TOP3A: variants seen among roughly 807,000 people sequenced by gnomAD.
TOP3A encodes the protein DNA topoisomerase III alpha.
Under a neutral mutation model 111.3 loss-of-function variants are expected in TOP3A, and 64 were observed. The ratio of observed to expected loss-of-function variants is 0.57; its 90% CI spans 0.47 to 0.71. TOP3A has a LOEUF of 0.71. Among genes scored for constraint, TOP3A ranks in the 30% least tolerant of loss-of-function variants. The pLI, the probability that TOP3A is intolerant of heterozygous loss-of-function variation, is 0.00. For missense variants in TOP3A, 1,104 were observed against 1,285.0 expected, an observed-to-expected ratio of 0.86 and a Z score of 2.15; for synonymous variants, 484 against 485.1, an observed-to-expected ratio of 1.00 and a Z score of 0.03.
In TOP3A at chr17:18,290,640, A is replaced by G; in HGVS notation, c.1514T>C (p.Val505Ala). ...EQGSHFQPST[V>A]EMVDGETSPP... The stretch of plus-strand genomic sequence containing the variant: ...GCTGGTCTCCCCGTCCACCATCTCC[A>G]CGGTGCTGGGCTGAAAGTGGGATCC... The change falls in exon 13 of 19, where the codon GTG becomes GCG. Residue 505 changes from valine to alanine, a missense_variant. By Grantham distance (64) the Val-to-Ala change is moderately conservative. Coordinates refer to ENST00000321105, the MANE Select transcript of TOP3A (RefSeq NM_004618.5). 1 of 1,611,486 alleles carries G rather than the reference A, an allele frequency of 6.2e-7. No homozygotes were observed. The highest frequency in any genetic ancestry group is 8.5e-7 in the Non-Finnish European group (1 of 1,178,306).
Position 18,294,741 on chromosome 17 carries a change from T to C in TOP3A, c.1035A>G (p.Lys345=), listed in dbSNP as rs1253792455. 17 of 1,613,052 alleles carry C rather than the reference T, an allele frequency of 1.1e-5. No homozygotes were observed. Among genetic ancestry groups the C allele is most frequent in the Non-Finnish European group, 1.4e-5 (16 of 1,179,662 alleles). ...GCTTCTCAGCAATCCTCATGGTTTCTTTAGCATTTATTCTCAACTTTCGAG... is the reference window on the plus strand; with the variant it reads ...GCTTCTCAGCAATCCTCATGGTTTCCTTAGCATTTATTCTCAACTTTCGAG... ...LASRKLRINA[K]ETMRIAEKLY... The change falls in exon 10 of 19, where the codon AAA becomes AAG. Residue 345 remains lysine (K), a synonymous_variant. Coordinates refer to ENST00000321105, the MANE Select transcript of TOP3A (RefSeq NM_004618.5).
chr17:18,291,505 TCC>T (rs1286560557), intron 11 of TOP3A, among the ~76,000 whole-genome samples: 7 of 152,120 alleles, frequency 4.6e-5, no homozygotes, highest in Non-Finnish European at 1.0e-4. Context: ...ATCCAATAAT[TCC>T]CCTTCTAAGG....
Position 18,274,706 on chromosome 17 carries a change from C to T in TOP3A, c.*96G>A. ...AAGGCCAACACTGTCCTCTAAGTTT[C>T]CAGGACACTAAATGGCCACTTGGTC... On this transcript the variant is annotated 3_prime_UTR_variant, in exon 19 of 19. Coordinates refer to ENST00000321105, the MANE Select transcript of TOP3A (RefSeq NM_004618.5). The T allele has an allele frequency of 5.9e-6, 9 of 1,524,952 alleles. No individual in the cohort carries two copies. The highest frequency in any genetic ancestry group is 7.0e-6 in the Non-Finnish European group (8 of 1,135,878). 94.5% of individuals were successfully genotyped at this position (1,524,952 alleles called of 1,614,324 possible). A position where few individuals can be genotyped will look rare whatever the true frequency, so the allele number is the denominator to read the frequency against.
At chr17:18,311,562 G>C (rs1248959000) in intron 1 of TOP3A, among the ~76,000 whole-genome samples, 1 of 152,188 alleles carries the variant, frequency 6.6e-6, no homozygotes, top group Non-Finnish European at 1.5e-5. Flanking sequence ...CCCAACTGCT[G>C]GGATTACAGG....
At position 18,301,912 on chromosome 17, in the gene TOP3A, G is replaced by A. The variant is rs1374809736; in HGVS notation, c.888C>T (p.Cys296=). The stretch of plus-strand genomic sequence containing the variant: ...CCACACACAACTGATAGAGAACTAG[G>A]CAAGCCGTGTGGTTAAAGAGTCGAT... ...KRHRLFNHTA[C]LVLYQLCVED... The change falls in exon 8 of 19, where the codon TGC becomes TGT. Residue 296 remains cysteine, a synonymous_variant. Transcript: ENST00000321105. The A allele has an allele frequency of 2.5e-6, 4 of 1,614,048 alleles. No individual in the cohort carries two copies. The highest frequency in any genetic ancestry group is 1.7e-5 in the Admixed American group (1 of 60,002).
intron 1 of TOP3A, 92 bp from the exon 2 acceptor site, chr17:18,309,033 T>C: frequency 1.4e-6 from 1 of 717,278 alleles, no homozygotes. Flanking sequence ...TTGGCAATGA[T>C]TTCTTGGTTA....
chr17:18,286,535 C>A (rs1980118937), intron 13 of TOP3A, among the ~76,000 whole-genome samples: 1 of 151,830 alleles, frequency 6.6e-6, no homozygotes, highest in Non-Finnish European at 1.5e-5. Context: ...AACAAAAAAA[C>A]AACCAAAAAA....
chr17:18,299,776 A>G, intron 8 of TOP3A, 143 bp from the exon 9 acceptor site: 1 of 737,350 alleles, frequency 1.4e-6, no homozygotes, highest in Non-Finnish European at 2.4e-6. Flanking sequence ...AGAGTGCCCC[A>G]CTTAATGTCG....
chr17:18,314,707 G>A lies in TOP3A; in HGVS notation c.72C>T (p.Ala24=), dbSNP rs766131730. 6.2e-7 allele frequency: 1 copy of A among 1,607,664 alleles called. No individual in the cohort carries two copies. The highest frequency in any genetic ancestry group is 1.7e-5 in the Admixed American group (1 of 59,012). Reference sequence around the variant, plus strand: ...CGCCTCGGAGGGCCATCTCCATGGCGGCGCGGGAAAAGGCACGGTCTTCGG... The same window carrying A: ...CGCCTCGGAGGGCCATCTCCATGGCAGCGCGGGAAAAGGCACGGTCTTCGG... The part of the protein sequence containing the change: ...RRPEDRAFSR[A]AMEMALRGVR... Residue 24 remains alanine, a synonymous_variant, in exon 1 of 19, where the codon GCC becomes GCT. Coordinates refer to ENST00000321105, the MANE Select transcript of TOP3A (RefSeq NM_004618.5).
At chr17:18,284,048 G>A (rs1473739377) in intron 15 of TOP3A, among the ~76,000 whole-genome samples, 10 of 152,128 alleles carry the variant, frequency 6.6e-5, no homozygotes, top group Non-Finnish European at 1.5e-4. Flanking sequence ...TGCCCAAGCT[G>A]GACTGCAGTG....
At chr17:18,310,897 T>G (rs1981869922) in intron 1 of TOP3A, among the ~76,000 whole-genome samples, 1 of 152,188 alleles carries the variant, frequency 6.6e-6, no homozygotes, top group Non-Finnish European at 1.5e-5. Flanking sequence ...TCTCACTGTT[T>G]CTGAATATGC....
In TOP3A at chr17:18,295,770, A is replaced by AT. The variant is rs767499816; in HGVS notation, c.991-986dup. Among the ~76,000 whole-genome samples, 448 of 125,046 alleles carry AT rather than the reference A, an allele frequency of 3.6e-3. 4 individuals are homozygous for AT. Among genetic ancestry groups the AT allele is most frequent in the Admixed American group, 7.4e-3 (89 of 11,992 alleles). 82.0% of individuals were successfully genotyped at this position (125,046 alleles called of 152,430 possible). ...CACCGCGTCTGGCCCAGAAATCTAC[A>AT]TTTTTTTTTTTTTTCACATGGAGTC... On this transcript the variant is annotated intron_variant, in intron 9 of 18. Transcript: ENST00000321105.
At position 18,302,724 on chromosome 17, in the gene TOP3A, C is replaced by T; in HGVS notation, c.500-1G>A. 6.2e-7 allele frequency: 1 copy of T among 1,612,846 alleles called. No individual in the cohort carries two copies. Among genetic ancestry groups the T allele is most frequent in the Non-Finnish European group, 8.5e-7 (1 of 1,179,046 alleles). Reference sequence around the variant, plus strand: ...CGCAACACCTGCAGATTGGGCTTTACTGCAGAACACAAGGTGTTACCAAGG... The same window carrying T: ...CGCAACACCTGCAGATTGGGCTTTATTGCAGAACACAAGGTGTTACCAAGG... On this transcript the variant is annotated splice_acceptor_variant, in intron 5 of 18. Coordinates refer to ENST00000321105, the MANE Select transcript of TOP3A (RefSeq NM_004618.5). LOFTEE classifies it high-confidence loss of function.
In TOP3A at chr17:18,301,892, C is replaced by A; in HGVS notation, c.908G>T (p.Cys303Phe). 1 of 1,613,978 alleles carries A rather than the reference C, an allele frequency of 6.2e-7. No homozygotes were observed. Among genetic ancestry groups the A allele is most frequent in the Non-Finnish European group, 8.5e-7 (1 of 1,179,886 alleles). Residue 303 changes from cysteine to phenylalanine, a missense_variant, in exon 8 of 19, where the codon TGT (cysteine) becomes TTT (phenylalanine). Transcript: ENST00000321105. ...HTACLVLYQL[C>F]VEDPMATVVE... ...ATCATTAGGGGTTCTTACCTCCACA[C>A]ACAACTGATAGAGAACTAGGCAAGC...
chr17:18,282,825 C>T lies in TOP3A; in HGVS notation c.1894G>A (p.Ala632Thr). 2.5e-6 allele frequency: 4 copies of T among 1,614,142 alleles called. No homozygotes were observed. Among genetic ancestry groups the T allele is most frequent in the Non-Finnish European group, 3.4e-6 (4 of 1,180,014 alleles). Residue 632 changes from alanine to threonine, a missense_variant, in exon 16 of 19, where the codon GCC (alanine) becomes ACC (threonine). Coordinates refer to ENST00000321105, the MANE Select transcript of TOP3A (RefSeq NM_004618.5). ...AKAKKLDEALAQYFGNGTELA... is the reference protein window; with the variant it reads ...AKAKKLDEALTQYFGNGTELA... The stretch of plus-strand genomic sequence containing the variant: ...TCTGTCCCATTCCCAAAGTACTGGG[C>T]CAAGGCCTCGTCCAATCTGAAGAAA...
Position 18,307,142 on chromosome 17 carries a change from G to A in TOP3A, c.315-176C>T. On this transcript the variant is annotated intron_variant, in intron 3 of 18. Coordinates refer to ENST00000321105, the MANE Select transcript of TOP3A (RefSeq NM_004618.5). Reference sequence around the variant, plus strand: ...ACACACTGTCCACTTCTCCAAGAGTGTGAACAGGACTGATAAGATGGCATT... The same window carrying A: ...ACACACTGTCCACTTCTCCAAGAGTATGAACAGGACTGATAAGATGGCATT... 4 of 550,770 alleles carry A rather than the reference G, an allele frequency of 7.3e-6. No homozygotes were observed. In the East Asian group the frequency reaches 1.2e-4, roughly 16 times the overall value. 34.1% of individuals were successfully genotyped at this position (550,770 alleles called of 1,614,324 possible).
intron 5 of TOP3A, among the ~76,000 whole-genome samples, chr17:18,303,297 G>A (rs1981354211): frequency 6.6e-6 from 1 of 152,170 alleles, no homozygotes; most frequent in Non-Finnish European, 1.5e-5. Context: ...CCTGGGTATT[G>A]TCAAGGTTTC....
chr17:18,292,953 A>C, intron 10 of TOP3A, 101 bp from the exon 11 acceptor site: 1 of 1,186,144 alleles, frequency 8.4e-7, no homozygotes, highest in Non-Finnish European at 1.2e-6. Flanking sequence ...CACTCATCTG[A>C]TGTAGCCAAC....
chr17:18,285,116 C>A, intron 15 of TOP3A, 26 bp downstream of exon 15: 1 of 1,609,224 alleles, frequency 6.2e-7, no homozygotes, highest in Non-Finnish European at 8.5e-7. Flanking sequence ...TAGTGAGACC[C>A]CTCTGTATTT....
Sources: gnomAD v4.1 joint callset for allele counts (sites outside exome capture counted in the v4.1 genomes callset) on GRCh38, gnomAD v4.1.1 for gene constraint, MANE v1.5 for transcripts, NCBI Gene and HGNC (gene_info 2026-07-23, HGNC 2026-07-21) for gene names.